The following USP6NL variants were observed in gnomAD, a reference collection of about 807,000 sequenced individuals.
The protein encoded by USP6NL is USP6 N-terminal-like protein.
Under a neutral mutation model 61.9 loss-of-function variants are expected in USP6NL, and 26 were observed. That is an observed-to-expected ratio of 0.42 (90% CI 0.31 to 0.58). USP6NL has a LOEUF of 0.58. USP6NL is among the 20% of genes least tolerant of loss of function. The probability of loss-of-function intolerance (pLI) is 0.16; values close to 1 mark genes in which losing one functional copy is unlikely to be tolerated. For synonymous variants in USP6NL, 432 were observed against 390.1 expected, an observed-to-expected ratio of 1.11 and a Z score of -1.27; for missense variants, 1,114 against 1,034.3, an observed-to-expected ratio of 1.08 and a Z score of -1.06.
rs111248788 is a variant in USP6NL at position 11,495,868 on chromosome 10, A to G, written c.385-2640T>C. On this transcript the variant is annotated intron_variant, in intron 7 of 14. Transcript: ENST00000609104. The surrounding 1 kb of genome is among the most constrained non-coding windows in gnomAD (Gnocchi z 4.6). ...TTTGTTTAAAAGTGGGACACAAAAAAGCTGCATGCCTGGGTGAGGCTTCCT... is the reference window on the plus strand; with the variant it reads ...TTTGTTTAAAAGTGGGACACAAAAAGGCTGCATGCCTGGGTGAGGCTTCCT... Among the ~76,000 whole-genome samples, 2 of 152,244 alleles carry G rather than the reference A, an allele frequency of 1.3e-5. No individual in the cohort carries two copies. The highest frequency in any genetic ancestry group is 4.8e-5 in the African/African-American group (2 of 41,468).
chr10:11,487,768 C>G lies in USP6NL; in HGVS notation c.664+1334G>C, dbSNP rs896586791. Among the ~76,000 whole-genome samples the G allele has an allele frequency of 2.0e-5, 3 of 152,260 alleles. No homozygotes were observed. The highest frequency in any genetic ancestry group is 4.4e-5 in the Non-Finnish European group (3 of 68,020). On this transcript the variant is annotated intron_variant, in intron 10 of 14. Transcript: ENST00000609104. This position sits in a 1 kb window ranked among gnomAD's most constrained non-coding sequence, Gnocchi z 4.2. ...TTTGTTAAGTAATTGGCAAGAAACA[C>G]TAAGGGAGAAAGACAAATGCAAACA... is the stretch of plus-strand genomic sequence containing the variant.
intron 6 of USP6NL, among the ~76,000 whole-genome samples, chr10:11,508,911 G>C (rs1834576328): frequency 6.6e-6 from 1 of 152,148 alleles, no homozygotes. Flanking sequence ...GAAGATAACT[G>C]ACACAGTATT....
At chr10:11,567,608 C>A (rs1837210737) in intron 2 of USP6NL, among the ~76,000 whole-genome samples, 1 of 152,182 alleles carries the variant, frequency 6.6e-6, no homozygotes, top group African/African-American at 2.4e-5. Context: ...TATATTGAAA[C>A]AGACTGCTAT....
intron 10 of USP6NL, among the ~76,000 whole-genome samples, chr10:11,488,341 C>A (rs969815871): frequency 1.3e-5 from 2 of 152,144 alleles, no homozygotes; most frequent in Non-Finnish European, 2.9e-5. Context: ...TGGCTTGATC[C>A]CAGGTCAAGA....
At chr10:11,505,043 C>T (rs1285106274) in intron 6 of USP6NL, among the ~76,000 whole-genome samples, 1 of 152,190 alleles carries the variant, frequency 6.6e-6, no homozygotes, top group African/African-American at 2.4e-5. Flanking sequence ...GAGCGCCATG[C>T]ATCTGCTGTG....
At chr10:11,504,248 C>G (rs897231444) in intron 6 of USP6NL, among the ~76,000 whole-genome samples, 1 of 152,172 alleles carries the variant, frequency 6.6e-6, no homozygotes, top group African/African-American at 2.4e-5. Flanking sequence ...AAATTTTTAA[C>G]TATCATAGAA....
chr10:11,606,886 G>A (rs948573920), intron 1 of USP6NL, among the ~76,000 whole-genome samples: 1 of 151,698 alleles, frequency 6.6e-6, no homozygotes, highest in Non-Finnish European at 1.5e-5. Flanking sequence ...CATCTCTCGG[G>A]TTCAAGTGAT....
chr10:11,604,095 AT>A lies in USP6NL; in HGVS notation c.-83-6379del, dbSNP rs549558963. Reference sequence around the variant, plus strand: ...CTTTGTGTGTAAAATGAGAGTTAAAATTTTCAGCCTACCTACCACTGAGAGT... The same window carrying A: ...CTTTGTGTGTAAAATGAGAGTTAAAATTTCAGCCTACCTACCACTGAGAGT... On this transcript the variant is annotated intron_variant, in intron 1 of 14. Transcript: ENST00000609104. 1.4e-4 allele frequency among the ~76,000 whole-genome samples: 22 copies of A among 152,232 alleles called. 1 individual carries two copies. In the East Asian group the frequency reaches 4.2e-3, roughly 29 times the overall value.
chr10:11,492,721 T>C (rs532690489), intron 8 of USP6NL, among the ~76,000 whole-genome samples: 3 of 152,376 alleles, frequency 2.0e-5, no homozygotes, highest in Admixed American at 2.0e-4. Flanking sequence ...CAATGATGTA[T>C]CAATTCATTA....
chr10:11,473,331 G>C (rs1241426669), intron 14 of USP6NL, among the ~76,000 whole-genome samples: 1 of 152,214 alleles, frequency 6.6e-6, no homozygotes, highest in African/African-American at 2.4e-5. Context: ...GTCTAATAGA[G>C]ACATGACTGA....
intron 2 of USP6NL, among the ~76,000 whole-genome samples, chr10:11,568,610 C>A (rs11257173): frequency 6.6e-6 from 1 of 152,078 alleles, no homozygotes; most frequent in Non-Finnish European, 1.5e-5. Context: ...CATTAGAAAC[C>A]ATACTAGTGA....
At chr10:11,526,704 T>A (rs1835434349) in intron 3 of USP6NL, among the ~76,000 whole-genome samples, 1 of 152,158 alleles carries the variant, frequency 6.6e-6, no homozygotes, top group South Asian at 2.1e-4. Flanking sequence ...AAGGAACAGA[T>A]ACATAATTAC....
chr10:11,490,877 T>C lies in USP6NL; in HGVS notation c.498A>G (p.Gln166=), dbSNP rs947984084. The C allele has an allele frequency of 8.5e-6, 13 of 1,533,588 alleles. No individual in the cohort carries two copies. Among genetic ancestry groups the C allele is most frequent in the Non-Finnish European group, 4.4e-6 (5 of 1,143,090 alleles). 95.0% of individuals were successfully genotyped at this position (1,533,588 alleles called of 1,614,324 possible). The part of the protein sequence containing the change: ...IMFRDRYGVK[Q]QSLFHVLAAY... ...CAGCAAGCACATGGAATAAGGATTG[T>C]TGCCTAGAGAAAAAAATTTACATTA... Residue 166 remains glutamine, a synonymous_variant, in exon 9 of 15, where the codon CAA becomes CAG. Coordinates refer to ENST00000609104, the MANE Select transcript of USP6NL (RefSeq NM_014688.5). This position sits in a 1 kb window ranked among gnomAD's most constrained non-coding sequence, Gnocchi z 4.5.
In USP6NL at chr10:11,476,547, T is replaced by C. The variant is rs1005662625; in HGVS notation, c.1078+5223A>G. Among the ~76,000 whole-genome samples, 3 of 152,162 alleles carry C rather than the reference T, an allele frequency of 2.0e-5. No homozygotes were observed. Among genetic ancestry groups the C allele is most frequent in the African/African-American group, 7.2e-5 (3 of 41,432 alleles). On this transcript the variant is annotated intron_variant, in intron 14 of 14. Transcript: ENST00000609104. The surrounding 1 kb of genome is among the most constrained non-coding windows in gnomAD (Gnocchi z 4.3). Reference sequence around the variant, plus strand: ...AATAAAGGTACAAAAATGCTAACAATAGTTAAATCTATGAGGTGGGCATAT... The same window carrying C: ...AATAAAGGTACAAAAATGCTAACAACAGTTAAATCTATGAGGTGGGCATAT...
intron 14 of USP6NL, among the ~76,000 whole-genome samples, chr10:11,467,399 C>A (rs1429023672): frequency 6.6e-6 from 1 of 152,164 alleles, no homozygotes; most frequent in Non-Finnish European, 1.5e-5. Flanking sequence ...TTTGACAATG[C>A]ATATTGAAAT....
chr10:11,605,485 G>A (rs1838676799), intron 1 of USP6NL, among the ~76,000 whole-genome samples: 1 of 152,074 alleles, frequency 6.6e-6, no homozygotes, highest in African/African-American at 2.4e-5. Flanking sequence ...ACAATGACCA[G>A]CACACAATCA....
chr10:11,608,375 A>G (rs1454027512), intron 1 of USP6NL, among the ~76,000 whole-genome samples: 2 of 152,328 alleles, frequency 1.3e-5, no homozygotes, highest in East Asian at 3.9e-4. Flanking sequence ...CAGATGATCC[A>G]AGAACAGTGC....
At position 11,592,105 on chromosome 10, in the gene USP6NL, C is replaced by T. The variant is rs1307672028; in HGVS notation, c.4+5526G>A. On this transcript the variant is annotated intron_variant, in intron 2 of 14. Transcript: ENST00000609104. The surrounding 1 kb of genome is among the most constrained non-coding windows in gnomAD (Gnocchi z 4.7). ...CAGGCTGGTCTTGAACTCCTGACCT[C>T]AGGTGATCTGGCCACCTCAGCCTCC... 6.6e-6 allele frequency among the ~76,000 whole-genome samples: 1 copy of T among 152,178 alleles called. No homozygotes were observed. The highest frequency in any genetic ancestry group is 2.4e-5 in the African/African-American group (1 of 41,438).
At chr10:11,530,417 C>G (rs562868731) in intron 2 of USP6NL, among the ~76,000 whole-genome samples, 42 of 152,270 alleles carry the variant, frequency 2.8e-4, no homozygotes, top group African/African-American at 9.9e-4. Context: ...AAATATAAAG[C>G]TTTACATAGA....
Sources: gnomAD v4.1 joint callset for allele counts (sites outside exome capture counted in the v4.1 genomes callset) on GRCh38, gnomAD v4.1.1 for gene constraint, Gnocchi (gnomAD v3.1) non-coding constraint, MANE v1.5 for transcripts, NCBI Gene and HGNC (gene_info 2026-07-23, HGNC 2026-07-21) for gene names.